SKAP2: variants seen among roughly 807,000 people sequenced by gnomAD.
SKAP2 encodes src kinase-associated phosphoprotein 2.
In SKAP2, 28 loss-of-function variants were observed where a neutral mutation model predicts 54.9. The observed-to-expected ratio is 0.51, with a 90% confidence interval of 0.38 to 0.70. The LOEUF (loss-of-function observed/expected upper bound fraction) is 0.70, where lower values mean the gene tolerates loss of function less well. Among genes scored for constraint, SKAP2 ranks in the 30% least tolerant of loss-of-function variants. The probability of loss-of-function intolerance (pLI) is 0.00; values close to 1 mark genes in which losing one functional copy is unlikely to be tolerated. For synonymous variants in SKAP2, 137 were observed against 134.3 expected, an observed-to-expected ratio of 1.02 and a Z score of -0.14; for missense variants, 356 against 424.1, an observed-to-expected ratio of 0.84 and a Z score of 1.41.
At chr7:26,708,667 C>A (rs975995679) in intron 9 of SKAP2, among the ~76,000 whole-genome samples, 4 of 152,186 alleles carry the variant, frequency 2.6e-5, no homozygotes, top group Non-Finnish European at 4.4e-5. Flanking sequence ...TAGCACTGAA[C>A]AGACAAGCCC....
At chr7:26,717,694 G>A (rs956140122) in intron 9 of SKAP2, among the ~76,000 whole-genome samples, 10 of 150,628 alleles carry the variant, frequency 6.6e-5, no homozygotes, top group Non-Finnish European at 1.0e-4. Flanking sequence ...TTAGCTGGGC[G>A]TGGTGGCGCA....
intron 11 of SKAP2, among the ~76,000 whole-genome samples, chr7:26,674,755 C>A (rs1786317218): frequency 6.6e-6 from 1 of 152,114 alleles, no homozygotes; most frequent in Non-Finnish European, 1.5e-5. Context: ...GTTTTTCCTC[C>A]TTGCATTGTA....
intron 4 of SKAP2, among the ~76,000 whole-genome samples, chr7:26,826,210 A>C (rs1023591798): frequency 6.6e-6 from 1 of 152,130 alleles, no homozygotes; most frequent in African/African-American, 2.4e-5. Context: ...TTCTTGAGAG[A>C]TCTCTATTTC....
chr7:26,656,267 A>C, the SKAP2 span, among the ~76,000 whole-genome samples: 2 of 152,198 alleles, frequency 1.3e-5, no homozygotes, highest in African/African-American at 4.8e-5. Flanking sequence ...ATGGCTTCCC[A>C]CCAGGACAAA....
intron 2 of SKAP2, 52 bp from the exon 3 acceptor site, chr7:26,854,214 T>G (rs759251889): frequency 1.7e-6 from 2 of 1,188,936 alleles, no homozygotes. Flanking sequence ...CAAAACAAGG[T>G]CTAATCAGTA....
chr7:26,676,684 G>C (rs1408971514), intron 11 of SKAP2, among the ~76,000 whole-genome samples: 2 of 152,054 alleles, frequency 1.3e-5, no homozygotes, highest in East Asian at 1.9e-4. Flanking sequence ...AACATATTGG[G>C]ATACAAAAAT....
At chr7:26,848,400 C>T (rs1784970912) in intron 3 of SKAP2, among the ~76,000 whole-genome samples, 1 of 152,126 alleles carries the variant, frequency 6.6e-6, no homozygotes, top group Non-Finnish European at 1.5e-5. Context: ...AAATTCCATG[C>T]CTAACATCTT....
intron 4 of SKAP2, among the ~76,000 whole-genome samples, chr7:26,826,889 A>C (rs950368556): frequency 2.0e-5 from 3 of 152,120 alleles, no homozygotes; most frequent in Non-Finnish European, 4.4e-5. Flanking sequence ...GTACACTATT[A>C]CCCTTTCTTA....
chr7:26,690,384 G>GT, intron 9 of SKAP2, 22 bp from the exon 10 acceptor site: 10 of 1,536,508 alleles, frequency 6.5e-6, no homozygotes, highest in African/African-American at 1.4e-5. Flanking sequence ...CATTATCAAT[G>GT]GCACATTGAA....
intron 1 of SKAP2, among the ~76,000 whole-genome samples, chr7:26,862,075 G>A (rs973654090): frequency 1.3e-5 from 2 of 151,800 alleles, no homozygotes; most frequent in Admixed American, 1.3e-4. Context: ...GACTAAATAA[G>A]CCAGCAATAT....
rs377173612 is a variant in SKAP2, at chr7:26,852,193, C to A, written c.199+1944G>T. Among the ~76,000 whole-genome samples the A allele has an allele frequency of 1.4e-4, 21 of 152,186 alleles. 1 individual carries two copies. Among genetic ancestry groups the A allele is most frequent in the African/African-American group, 5.1e-4 (21 of 41,518 alleles). On this transcript the variant is annotated intron_variant, in intron 3 of 12. Transcript: ENST00000345317. Reference sequence around the variant, plus strand: ...GGGAAAATGTAAGGTGGAGAAAAGGCAGCACCACCAAAACGTACTTAGAAT... The same window carrying A: ...GGGAAAATGTAAGGTGGAGAAAAGGAAGCACCACCAAAACGTACTTAGAAT...
At chr7:26,782,844 T>A (rs187238734) in intron 4 of SKAP2, among the ~76,000 whole-genome samples, 1 of 152,308 alleles carries the variant, frequency 6.6e-6, no homozygotes, top group East Asian at 1.9e-4. Flanking sequence ...TTATGAGAAA[T>A]AAGCCCTCAC....
At chr7:26,838,238 T>A (rs1562630621) in intron 4 of SKAP2, among the ~76,000 whole-genome samples, 1 of 152,046 alleles carries the variant, frequency 6.6e-6, no homozygotes, top group African/African-American at 2.4e-5. Context: ...AAAGGTAAAT[T>A]CCTTAATTTG....
intron 1 of SKAP2, among the ~76,000 whole-genome samples, chr7:26,855,816 C>G (rs1238566555): frequency 6.6e-6 from 1 of 151,478 alleles, no homozygotes; most frequent in Non-Finnish European, 1.5e-5. Context: ...TTTCACACCT[C>G]ATTTTGAAAT....
chr7:26,674,279 A>C (rs1203595272), intron 11 of SKAP2, among the ~76,000 whole-genome samples: 2 of 152,194 alleles, frequency 1.3e-5, no homozygotes, highest in African/African-American at 4.8e-5. Context: ...GAACCAATGG[A>C]CTTGACTGTT....
intron 3 of SKAP2, among the ~76,000 whole-genome samples, chr7:26,846,725 A>T (rs1784929228): frequency 6.6e-6 from 1 of 152,188 alleles, no homozygotes; most frequent in Non-Finnish European, 1.5e-5. Context: ...TCACGCCTGT[A>T]ATCCCAGCAC....
At chr7:26,708,494 G>A (rs1440175527) in intron 9 of SKAP2, among the ~76,000 whole-genome samples, 1 of 152,082 alleles carries the variant, frequency 6.6e-6, no homozygotes, top group Non-Finnish European at 1.5e-5. Context: ...CATTGAATGT[G>A]CTATAATCTG....
chr7:26,763,408 T>C (rs914949528), intron 4 of SKAP2, among the ~76,000 whole-genome samples: 2 of 152,158 alleles, frequency 1.3e-5, no homozygotes, highest in African/African-American at 4.8e-5. Flanking sequence ...TTATTATGGC[T>C]CAGTGCACCA....
intron 3 of SKAP2, chr7:26,848,010 A>G (rs1202898238): frequency 6.6e-6 from 1 of 152,240 alleles, no homozygotes; most frequent in Non-Finnish European, 1.5e-5. Context: ...CTATAATTTC[A>G]GTAGTAACAA....
Sources: gnomAD v4.1 joint callset for allele counts (sites outside exome capture counted in the v4.1 genomes callset) on GRCh38, gnomAD v4.1.1 for gene constraint, MANE v1.5 for transcripts, NCBI Gene and HGNC (gene_info 2026-07-23, HGNC 2026-07-21) for gene names.